Variants in PDE3A observed in about 807,000 individuals in gnomAD.
The protein encoded by PDE3A is cGMP-inhibited 3',5'-cyclic phosphodiesterase 3A.
In PDE3A, 43 loss-of-function variants were observed where a neutral mutation model predicts 98.3. That is an observed-to-expected ratio of 0.44 (90% CI 0.34 to 0.56). The LOEUF (loss-of-function observed/expected upper bound fraction) is 0.56. Ranked by LOEUF, PDE3A falls within the 20% of genes least tolerant of loss-of-function variation. The pLI is 0.01. For synonymous variants in PDE3A, 663 were observed against 567.9 expected (o/e 1.17, Z -2.38); for missense variants, 1,427 against 1,440.7 (o/e 0.99, Z 0.15).
intron 15 of PDE3A, among the ~76,000 whole-genome samples, chr12:20,672,639 T>A (rs1336504236): frequency 8.1e-6 from 1 of 124,124 alleles, no homozygotes; most frequent in African/African-American, 3.2e-5. Flanking sequence ...GAAAACTGGC[T>A]AGCCATATGT....
intron 15 of PDE3A, among the ~76,000 whole-genome samples, chr12:20,675,645 A>G (rs540530745): frequency 5.2e-4 from 79 of 152,208 alleles, no homozygotes; most frequent in Non-Finnish European, 7.9e-4. Flanking sequence ...TTGCTCTGGT[A>G]TTGGTGCATA....
chr12:20,513,163 A>G (rs1266044836), intron 1 of PDE3A, among the ~76,000 whole-genome samples: 1 of 152,128 alleles, frequency 6.6e-6, no homozygotes, highest in East Asian at 1.9e-4. Flanking sequence ...ATACTGAAAA[A>G]TTTGGGTCCC....
chr12:20,606,733 C>T (rs1943718490), intron 2 of PDE3A, among the ~76,000 whole-genome samples: 1 of 151,252 alleles, frequency 6.6e-6, no homozygotes, highest in Non-Finnish European at 1.5e-5. Context: ...TAGCATATGC[C>T]TGTAATCCCA....
At chr12:20,379,597 A>C (rs1008962813) in intron 1 of PDE3A, among the ~76,000 whole-genome samples, 1 of 151,802 alleles carries the variant, frequency 6.6e-6, no homozygotes, top group Admixed American at 6.6e-5. Context: ...GCTTATTGTA[A>C]GTGCTGGCTG....
chr12:20,643,081 G>A (rs990973301), intron 10 of PDE3A, among the ~76,000 whole-genome samples: 1 of 152,122 alleles, frequency 6.6e-6, no homozygotes, highest in Non-Finnish European at 1.5e-5. Context: ...TGGGAAAGAG[G>A]TAGGGTGTAC....
At chr12:20,498,708 GT>G (rs766774000) in intron 1 of PDE3A, among the ~76,000 whole-genome samples, 7 of 151,994 alleles carry the variant, frequency 4.6e-5, no homozygotes, top group Non-Finnish European at 8.8e-5. Context: ...TTAAAAAGGC[GT>G]TTACTTCTTC....
chr12:20,477,434 G>A (rs1426387305), intron 1 of PDE3A, among the ~76,000 whole-genome samples: 2 of 152,090 alleles, frequency 1.3e-5, no homozygotes, highest in Admixed American at 6.5e-5. Flanking sequence ...TAGCTTTCCA[G>A]TTGCTGATCG....
intron 1 of PDE3A, among the ~76,000 whole-genome samples, chr12:20,499,459 A>C (rs552768267): frequency 6.6e-6 from 1 of 152,174 alleles, no homozygotes; most frequent in African/African-American, 2.4e-5. Context: ...TATAATAACA[A>C]AAATGAAATT....
intron 2 of PDE3A, among the ~76,000 whole-genome samples, chr12:20,560,545 A>G (rs961824961): frequency 2.0e-5 from 3 of 152,212 alleles, no homozygotes; most frequent in African/African-American, 7.2e-5. Flanking sequence ...ATAGAAGAGA[A>G]TAGTGTAAGA....
At chr12:20,447,916 T>C (rs961105449) in intron 1 of PDE3A, among the ~76,000 whole-genome samples, 7 of 152,104 alleles carry the variant, frequency 4.6e-5, no homozygotes, top group Non-Finnish European at 8.8e-5. Flanking sequence ...AGTGTTAGGA[T>C]TGAATTGAAT....
At chr12:20,438,405 A>G (rs972035772) in intron 1 of PDE3A, among the ~76,000 whole-genome samples, 1 of 152,202 alleles carries the variant, frequency 6.6e-6, no homozygotes, top group South Asian at 2.1e-4. Flanking sequence ...TCAGCATTCC[A>G]AGGTTATGCG....
rs1944780367 is a variant in PDE3A, at chr12:20,646,486, A to G, written c.2252-4A>G. ...TGATGACTGTTCCTGTTCACTGGTT[A>G]CAGATCATAACAGAATCCATGCCAC... On this transcript the variant is annotated splice_polypyrimidine_tract_variant and splice_region_variant and intron_variant, in intron 10 of 15. Coordinates refer to ENST00000359062, the MANE Select transcript of PDE3A (RefSeq NM_000921.5). 2 of 1,509,032 alleles carry G rather than the reference A, an allele frequency of 1.3e-6. No individual in the cohort carries two copies. The highest frequency in any genetic ancestry group is 1.4e-5 in the African/African-American group (1 of 72,900). The allele number at this position is 1,509,032 out of a possible 1,614,324, so 93.5% of individuals were successfully genotyped here.
chr12:20,496,499 C>T (rs2121065738), intron 1 of PDE3A, among the ~76,000 whole-genome samples: 1 of 152,174 alleles, frequency 6.6e-6, no homozygotes, highest in East Asian at 1.9e-4. Context: ...TTCTCATGGA[C>T]CTGGGTACTC....
intron 1 of PDE3A, among the ~76,000 whole-genome samples, chr12:20,437,872 G>C (rs1944804984): frequency 2.6e-5 from 4 of 152,254 alleles, no homozygotes; most frequent in African/African-American, 9.6e-5. Flanking sequence ...TGATTGCATA[G>C]CTTGAAAGGT....
intron 1 of PDE3A, among the ~76,000 whole-genome samples, chr12:20,485,029 G>A (rs2121020491): frequency 6.6e-6 from 1 of 152,264 alleles, no homozygotes; most frequent in South Asian, 2.1e-4. Context: ...AGTAGCATGT[G>A]AAATTAGACA....
chr12:20,549,908 A>T (rs991473646), intron 1 of PDE3A, among the ~76,000 whole-genome samples: 1 of 152,192 alleles, frequency 6.6e-6, no homozygotes, highest in African/African-American at 2.4e-5. Context: ...TTTGAAATGC[A>T]TCTTACAAGC....
chr12:20,395,460 TA>T (rs1169337592), intron 1 of PDE3A, among the ~76,000 whole-genome samples: 1 of 142,842 alleles, frequency 7.0e-6, no homozygotes, highest in Non-Finnish European at 1.5e-5. Flanking sequence ...CACATAGTAT[TA>T]TATATGTATA....
At chr12:20,378,026 TTTAA>T (rs1943602238) in intron 1 of PDE3A, among the ~76,000 whole-genome samples, 1 of 151,788 alleles carries the variant, frequency 6.6e-6, no homozygotes, top group Non-Finnish European at 1.5e-5. Flanking sequence ...TGCTCCTAGC[TTTAA>T]TGGATGAAAA....
At chr12:20,426,642 G>A (rs912409351) in intron 1 of PDE3A, among the ~76,000 whole-genome samples, 1 of 152,088 alleles carries the variant, frequency 6.6e-6, no homozygotes, top group Admixed American at 6.5e-5. Flanking sequence ...CTATTTATAA[G>A]GTTGTCATTT....
Sources: gnomAD v4.1 joint callset for allele counts (sites outside exome capture counted in the v4.1 genomes callset) on GRCh38, gnomAD v4.1.1 for gene constraint, MANE v1.5 for transcripts, NCBI Gene and HGNC (gene_info 2026-07-23, HGNC 2026-07-21) for gene names.